Variants in OR3A2 observed in about 807,000 individuals in gnomAD.
OR3A2 encodes the protein olfactory receptor 3A2.
For synonymous variants in OR3A2, 126 were observed against 159.3 expected (o/e 0.79, Z 1.57); for missense variants, 318 against 392.8 (o/e 0.81, Z 1.61).
intron 2 of OR3A2, among the ~76,000 whole-genome samples, chr17:3,342,273 C>T (rs186553545): frequency 1.2e-4 from 18 of 152,332 alleles, no homozygotes; most frequent in Admixed American, 9.8e-4. Flanking sequence ...TCTGTCAACT[C>T]GTCAAAGTCA....
At chr17:3,378,157 C>A (rs1012339914) in intron 2 of OR3A2, among the ~76,000 whole-genome samples, 3 of 152,322 alleles carry the variant, frequency 2.0e-5, no homozygotes, top group South Asian at 4.1e-4. Flanking sequence ...CACCTAGGAA[C>A]CTGTCTGCCT....
chr17:3,296,349 AG>A (rs1184617518), intron 3 of OR3A2, among the ~76,000 whole-genome samples: 1 of 152,182 alleles, frequency 6.6e-6, no homozygotes, highest in Non-Finnish European at 1.5e-5. Flanking sequence ...TGTTCAGAAA[AG>A]AATTCGTAGC....
At chr17:3,367,977 T>A (rs2049578911) in intron 2 of OR3A2, among the ~76,000 whole-genome samples, 1 of 152,130 alleles carries the variant, frequency 6.6e-6, no homozygotes, top group African/African-American at 2.4e-5. Flanking sequence ...TGATATGCAT[T>A]TCCCTGATAA....
At chr17:3,285,949 G>A (rs543579701), upstream of OR3A2, among the ~76,000 whole-genome samples, 10 of 152,296 alleles carry the variant, frequency 6.6e-5, no homozygotes, top group South Asian at 2.1e-3. Context: ...AAGTTCTGGG[G>A]TACATGTGCA....
upstream of OR3A2, among the ~76,000 whole-genome samples, chr17:3,287,620 T>A (rs1002030381): frequency 2.6e-5 from 4 of 152,216 alleles, no homozygotes; most frequent in Non-Finnish European, 5.9e-5. Flanking sequence ...TGATTCTTCA[T>A]ATATTAATTC....
intron 3 of OR3A2, chr17:3,298,395 A>T (rs927573369): frequency 6.6e-6 from 1 of 152,066 alleles, no homozygotes; most frequent in African/African-American, 2.4e-5. Flanking sequence ...GATGATCGTG[A>T]CTCAATACAA....
rs535798499 is a variant in OR3A2, at chr17:3,379,769, C to A, written c.-179+4035G>T. Among the ~76,000 whole-genome samples the A allele has an allele frequency of 7.4e-4, 112 of 152,272 alleles. 1 individual carries two copies. The highest frequency in any genetic ancestry group is 2.6e-3 in the African/African-American group (110 of 41,554). ...AGAGGCCAGGGTCACTAACACACCC[C>A]GTCCCTCACATGCCATCCTGCATAG... On this transcript the variant is annotated intron_variant, in intron 2 of 4. Transcript: ENST00000573491.
chr17:3,283,367 A>G (rs1247290709), intron 1 of OR3A2, among the ~76,000 whole-genome samples: 1 of 152,124 alleles, frequency 6.6e-6, no homozygotes, highest in Non-Finnish European at 1.5e-5. Context: ...CTGGGATTAC[A>G]GGCATGCGCC....
chr17:3,310,647 G>C (rs1407807989), intron 3 of OR3A2: 1 of 542,446 alleles, frequency 1.8e-6, no homozygotes, highest in Admixed American at 1.9e-5. Flanking sequence ...CCTGGCTGGG[G>C]CAGACTGCTT....
At chr17:3,329,318 T>C (rs1270597429) in intron 3 of OR3A2, among the ~76,000 whole-genome samples, 1 of 149,870 alleles carries the variant, frequency 6.7e-6, no homozygotes, top group African/African-American at 2.5e-5. Flanking sequence ...CTGGTAGAAT[T>C]TGGCTGTGAA....
intron 3 of OR3A2, among the ~76,000 whole-genome samples, chr17:3,304,857 A>T (rs1056191071): frequency 6.6e-6 from 1 of 152,262 alleles, no homozygotes; most frequent in African/African-American, 2.4e-5. Flanking sequence ...TACAACATGA[A>T]TGACTATAAA....
intron 2 of OR3A2, among the ~76,000 whole-genome samples, chr17:3,348,063 A>G (rs2049383782): frequency 6.6e-6 from 1 of 151,982 alleles, no homozygotes; most frequent in Non-Finnish European, 1.5e-5. Context: ...GTGTCTGTTC[A>G]CGTCCTTTGC....
In OR3A2 at chr17:3,364,216, A is replaced by G. The variant is rs2049543727; in HGVS notation, c.-179+19588T>C. Among the ~76,000 whole-genome samples the G allele has an allele frequency of 1.3e-5, 2 of 152,180 alleles. 1 individual carries two copies. The highest frequency in any genetic ancestry group is 4.1e-4 in the South Asian group (2 of 4,834). On this transcript the variant is annotated intron_variant, in intron 2 of 4. Transcript: ENST00000573491. ...TAACATGTATATTTTATTATGTTTTATTGTATTTTTAATTGACAGATAATA... is the reference window on the plus strand; with the variant it reads ...TAACATGTATATTTTATTATGTTTTGTTGTATTTTTAATTGACAGATAATA...
chr17:3,379,999 C>T (rs2049720115), intron 2 of OR3A2, among the ~76,000 whole-genome samples: 1 of 152,216 alleles, frequency 6.6e-6, no homozygotes, highest in Non-Finnish European at 1.5e-5. Flanking sequence ...GTTTCAGAGG[C>T]CACCATAACT....
At chr17:3,302,819 G>A (rs1451753681) in intron 3 of OR3A2, among the ~76,000 whole-genome samples, 2 of 152,074 alleles carry the variant, frequency 1.3e-5, no homozygotes, top group Non-Finnish European at 2.9e-5. Flanking sequence ...TGTGAGCCTA[G>A]GGCTCCATAT....
intron 2 of OR3A2, among the ~76,000 whole-genome samples, chr17:3,360,516 G>A (rs4627394): frequency 0.14 from 21,261 of 151,586 alleles, 2,186 homozygotes; most frequent in African/African-American, 0.25. Context: ...GAATGGTATT[G>A]CATAGGTTTT....
chr17:3,324,737 A>T lies in OR3A2; in HGVS notation c.-85+11296T>A, dbSNP rs145066353. On this transcript the variant is annotated intron_variant, in intron 3 of 4. Transcript: ENST00000573491. ...TTTGGAAGTTTTGTCTCAGAGGAGT[A>T]CCCGGCCGTGTGAGGTGTCAGTCCG... 3.8e-3 allele frequency among the ~76,000 whole-genome samples: 583 copies of T among 151,970 alleles called. 8 individuals carry two copies. Among genetic ancestry groups the T allele is most frequent in the African/African-American group, 0.013 (553 of 41,426 alleles).
intron 2 of OR3A2, among the ~76,000 whole-genome samples, chr17:3,367,600 T>TATATATA (rs202049693): frequency 1.0e-5 from 1 of 96,306 alleles, no homozygotes; most frequent in African/African-American, 3.7e-5. Flanking sequence ...TGTGTGTGTG[T>TATATATA]GTATATATAT....
chr17:3,373,906 T>C (rs761147137), intron 2 of OR3A2, among the ~76,000 whole-genome samples: 4 of 152,226 alleles, frequency 2.6e-5, no homozygotes, highest in Non-Finnish European at 5.9e-5. Context: ...GTGAAATTTA[T>C]GCTTTAAGGA....
Sources: gnomAD v4.1 joint callset for allele counts (sites outside exome capture counted in the v4.1 genomes callset) on GRCh38, gnomAD v4.1.1 for gene constraint, MANE v1.5 for transcripts, NCBI Gene and HGNC (gene_info 2026-07-23, HGNC 2026-07-21) for gene names.